NCKAP5: variants seen among roughly 807,000 people sequenced by gnomAD.
NCKAP5 encodes the protein nck-associated protein 5.
In NCKAP5, 92 loss-of-function variants were observed where a neutral mutation model predicts 167.0. That is an observed-to-expected ratio of 0.55 (90% CI 0.47 to 0.66). NCKAP5 has a LOEUF of 0.66. Among genes scored for constraint, NCKAP5 ranks in the 30% least tolerant of loss-of-function variants. The pLI is 0.00. For synonymous variants in NCKAP5, 891 were observed against 877.4 expected (o/e 1.02, Z -0.27); for missense variants, 2,378 against 2,315.0 (o/e 1.03, Z -0.56).
chr2:133,657,356 T>A, the NCKAP5 span, among the ~76,000 whole-genome samples: 1 of 152,198 alleles, frequency 6.6e-6, no homozygotes, highest in Non-Finnish European at 1.5e-5. Flanking sequence ...TTGAAACTCG[T>A]TTAACATATT....
chr2:133,474,270 C>T (rs1679647517), intron 3 of NCKAP5, among the ~76,000 whole-genome samples: 1 of 151,960 alleles, frequency 6.6e-6, no homozygotes, highest in South Asian at 2.1e-4. Context: ...ACCTGGAGAA[C>T]ATTATACTAA....
At chr2:133,372,575 T>C (rs1685873184) in intron 3 of NCKAP5, among the ~76,000 whole-genome samples, 1 of 152,212 alleles carries the variant, frequency 6.6e-6, no homozygotes, top group African/African-American at 2.4e-5. Flanking sequence ...CTGTTATCCT[T>C]GGGAATATCT....
At chr2:133,491,179 T>C (rs1681405005) in intron 3 of NCKAP5, among the ~76,000 whole-genome samples, 1 of 152,226 alleles carries the variant, frequency 6.6e-6, no homozygotes, top group South Asian at 2.1e-4. Context: ...TGGTTTGCCA[T>C]GTTAGGCATC....
At chr2:133,603,119 G>A in the NCKAP5 span, among the ~76,000 whole-genome samples, 1 of 152,038 alleles carries the variant, frequency 6.6e-6, no homozygotes, top group African/African-American at 2.4e-5. Context: ...GAGGCAGGAG[G>A]TGAACTACAG....
intron 8 of NCKAP5, among the ~76,000 whole-genome samples, chr2:132,953,314 C>G (rs1033148612): frequency 2.6e-5 from 4 of 152,146 alleles, no homozygotes; most frequent in Non-Finnish European, 4.4e-5. Flanking sequence ...GGAGAACTGG[C>G]ATAAAGCCTC....
intron 4 of NCKAP5, among the ~76,000 whole-genome samples, chr2:133,296,770 A>G (rs1344378483): frequency 6.6e-6 from 1 of 152,194 alleles, no homozygotes; most frequent in East Asian, 1.9e-4. Context: ...GCCAGACAAG[A>G]GTCCAAGTCC....
chr2:133,667,421 C>A, the NCKAP5 span, among the ~76,000 whole-genome samples: 1 of 151,990 alleles, frequency 6.6e-6, no homozygotes, highest in Non-Finnish European at 1.5e-5. Flanking sequence ...TCCACACCAA[C>A]AAATTGGTTT....
intron 6 of NCKAP5, among the ~76,000 whole-genome samples, chr2:133,046,459 C>T (rs536663587): frequency 9.7e-4 from 148 of 152,162 alleles, no homozygotes; most frequent in Non-Finnish European, 1.8e-3. Context: ...GCTCACTACA[C>T]CCTCGACCTC....
chr2:133,439,686 C>T (rs1267937443), intron 3 of NCKAP5, among the ~76,000 whole-genome samples: 1 of 152,168 alleles, frequency 6.6e-6, no homozygotes, highest in African/African-American at 2.4e-5. Context: ...ACACCAAATA[C>T]ACCATGATCC....
chr2:133,196,805 G>T (rs1207651393), intron 5 of NCKAP5, among the ~76,000 whole-genome samples: 2 of 152,070 alleles, frequency 1.3e-5, no homozygotes, highest in South Asian at 2.1e-4. Flanking sequence ...AGAGAAGCAG[G>T]GACTTACAAT....
chr2:133,333,478 G>A (rs931277325), intron 3 of NCKAP5, among the ~76,000 whole-genome samples: 2 of 152,058 alleles, frequency 1.3e-5, no homozygotes, highest in Non-Finnish European at 2.9e-5. Flanking sequence ...TGGCCTTGAC[G>A]AGCTCAACAA....
chr2:133,289,905 G>T (rs1362267307), intron 4 of NCKAP5, among the ~76,000 whole-genome samples: 1 of 152,180 alleles, frequency 6.6e-6, no homozygotes, highest in Non-Finnish European at 1.5e-5. Context: ...AGCAAGCAAA[G>T]GTGGAGGTGC....
chr2:133,597,673 C>CAAAAAAAAAAAAAAAAAAAAAA, the NCKAP5 span, among the ~76,000 whole-genome samples: 2 of 61,122 alleles, frequency 3.3e-5, no homozygotes, highest in African/African-American at 1.3e-4. Context: ...GACTCTGTCT[C>CAAAAAAAAAAAAAAAAAAAAAA]AAAAAAAAAA....
intron 3 of NCKAP5, among the ~76,000 whole-genome samples, chr2:133,380,143 C>A (rs1359418439): frequency 6.6e-6 from 1 of 151,980 alleles, no homozygotes; most frequent in African/African-American, 2.4e-5. Flanking sequence ...TATTTATGTG[C>A]AGACAGACAG....
intron 5 of NCKAP5, among the ~76,000 whole-genome samples, chr2:133,202,290 A>T (rs183304133): frequency 2.9e-4 from 44 of 152,240 alleles, no homozygotes; most frequent in Admixed American, 2.6e-3. Context: ...TGGGGAAAGG[A>T]TTTCCCTATT....
chr2:132,984,103 G>T (rs1344677659), intron 7 of NCKAP5, among the ~76,000 whole-genome samples: 1 of 152,108 alleles, frequency 6.6e-6, no homozygotes, highest in Non-Finnish European at 1.5e-5. Flanking sequence ...TCTAACAAAA[G>T]AATCTTCTCC....
chr2:132,973,793 C>T (rs894148362), intron 7 of NCKAP5, among the ~76,000 whole-genome samples: 1 of 151,770 alleles, frequency 6.6e-6, no homozygotes, highest in African/African-American at 2.4e-5. Flanking sequence ...TTCTTGGGCC[C>T]TAAGGTTAAA....
intron 8 of NCKAP5, among the ~76,000 whole-genome samples, chr2:132,952,237 A>G (rs1282375239): frequency 3.3e-5 from 5 of 152,094 alleles, no homozygotes; most frequent in Non-Finnish European, 5.9e-5. Context: ...TTCTTCTTTG[A>G]TAGCTCTTAG....
At chr2:133,435,952 C>T (rs924653731) in intron 3 of NCKAP5, among the ~76,000 whole-genome samples, 1 of 152,170 alleles carries the variant, frequency 6.6e-6, no homozygotes, top group Non-Finnish European at 1.5e-5. Flanking sequence ...TTTCGTCTTC[C>T]TTTATAAAAT....
Sources: gnomAD v4.1 joint callset for allele counts (sites outside exome capture counted in the v4.1 genomes callset) on GRCh38, gnomAD v4.1.1 for gene constraint, MANE v1.5 for transcripts, NCBI Gene and HGNC (gene_info 2026-07-23, HGNC 2026-07-21) for gene names.